DNAH8: variants seen among roughly 807,000 people sequenced by gnomAD.
DNAH8 encodes axonemal beta dynein heavy chain 8.
DNAH8 carries 382 observed loss-of-function variants against 562.1 expected under a neutral mutation model. That is an observed-to-expected ratio of 0.68 (90% CI 0.63 to 0.74). DNAH8 has a LOEUF of 0.74. DNAH8 is among the 30% of genes least tolerant of loss of function. The pLI is 0.00. For missense variants in DNAH8, 5,203 were observed against 5,620.4 expected, an observed-to-expected ratio of 0.93 and a Z score of 2.37; for synonymous variants, 1,881 against 1,919.4, an observed-to-expected ratio of 0.98 and a Z score of 0.52.
chr6:39,007,956 C>T (rs1765903976), intron 88 of DNAH8, among the ~76,000 whole-genome samples: 1 of 124,542 alleles, frequency 8.0e-6, no homozygotes, highest in African/African-American at 3.0e-5. Context: ...CCCACACACA[C>T]ACACACATTT....
Position 38,959,365 on chromosome 6 carries a change from A to G in DNAH8, c.12451+7845A>G, listed in dbSNP as rs1762466234. The stretch of plus-strand genomic sequence containing the variant: ...CCCTATTTGTAGATGACATGTATAC[A>G]GAAAACCCTACAGATGCCACCAAAG... On this transcript the variant is annotated intron_variant, in intron 82 of 92. Coordinates refer to ENST00000327475, the MANE Select transcript of DNAH8 (RefSeq NM_001206927.2). 3.3e-5 allele frequency among the ~76,000 whole-genome samples: 5 copies of G among 152,280 alleles called. 2 individuals carry two copies. In the South Asian group the frequency reaches 1.0e-3, roughly 32 times the overall value.
At position 38,780,018 on chromosome 6, in the gene DNAH8, G is replaced by C; in HGVS notation, c.2092G>C (p.Glu698Gln). 1 of 1,614,024 alleles carries C rather than the reference G, an allele frequency of 6.2e-7. No homozygotes were observed. Among genetic ancestry groups the C allele is most frequent in the Non-Finnish European group, 8.5e-7 (1 of 1,179,986 alleles). ...CLGLEINHTI[E>Q]RILQYYVAEL... ...GGGATTAGAAATAAACCACACAATA[G>C]AGCGTATTCTTCAGTACTATGTGGC... is the stretch of plus-strand genomic sequence containing the variant. The change falls in exon 15 of 93, where the codon GAG becomes CAG. Residue 698 changes from glutamate to glutamine, a missense_variant. Physicochemically the swap from Glu to Gln is conservative, Grantham distance 29. Coordinates refer to ENST00000327475, the MANE Select transcript of DNAH8 (RefSeq NM_001206927.2).
chr6:38,755,822 T>C lies in DNAH8; in HGVS notation c.1408-150T>C, dbSNP rs1195562723. ...CTGTTATCTGTTCCAGGGTCTAGTC[T>C]AGAATACTGCATTGGATTTAGTAAA... On this transcript the variant is annotated intron_variant, in intron 9 of 92. Coordinates refer to ENST00000327475, the MANE Select transcript of DNAH8 (RefSeq NM_001206927.2). 64 of 581,370 alleles carry C rather than the reference T, an allele frequency of 1.1e-4. 1 individual carries two copies. The Admixed American group carries it at 1.9e-3, about 18-fold the overall frequency. The allele number at this position is 581,370 out of a possible 1,614,324, so 36.0% of individuals were successfully genotyped here.
Position 38,816,062 on chromosome 6 carries a change from GTTTTATTTTA to G in DNAH8, c.3523+426_3523+435del, listed in dbSNP as rs10585359. Among the ~76,000 whole-genome samples, 22 of 149,834 alleles carry G rather than the reference GTTTTATTTTA, an allele frequency of 1.5e-4. No individual in the cohort carries two copies. The East Asian group carries it at 2.0e-3, about 13-fold the overall frequency. ...TTTCTTTTTTATTTTATTTTATTTT[GTTTTATTTTA>G]TTTTATTTTATTTTATTTTAGTTCT... is the stretch of plus-strand genomic sequence containing the variant. On this transcript the variant is annotated intron_variant, in intron 26 of 92. Transcript: ENST00000327475.
chr6:38,794,328 T>A (rs1394379959), intron 21 of DNAH8, among the ~76,000 whole-genome samples: 3 of 151,160 alleles, frequency 2.0e-5, no homozygotes, highest in African/African-American at 4.9e-5. Context: ...TTTTTTTTGG[T>A]TATGAAAAAA....
chr6:38,769,002 T>C (rs1022593109), intron 11 of DNAH8, among the ~76,000 whole-genome samples: 1 of 152,202 alleles, frequency 6.6e-6, no homozygotes, highest in African/African-American at 2.4e-5. Context: ...CATTATTCTT[T>C]TAAGGTCCTA....
chr6:38,749,644 T>C (rs1456038804), intron 8 of DNAH8, among the ~76,000 whole-genome samples: 1 of 152,110 alleles, frequency 6.6e-6, no homozygotes, highest in Non-Finnish European at 1.5e-5. Context: ...TTCAAACATT[T>C]GAAGGGTTGC....
intron 58 of DNAH8, among the ~76,000 whole-genome samples, chr6:38,893,186 C>T (rs1779452763): frequency 6.6e-6 from 1 of 152,192 alleles, no homozygotes; most frequent in Non-Finnish European, 1.5e-5. Flanking sequence ...AATGAATCTT[C>T]CTCCTCTGCC....
intron 1 of DNAH8, among the ~76,000 whole-genome samples, chr6:38,719,087 T>C (rs1289685237): frequency 2.6e-5 from 4 of 152,186 alleles, no homozygotes; most frequent in African/African-American, 9.7e-5. Flanking sequence ...TTAACATTCT[T>C]GATTGATTCA....
chr6:39,007,947 C>CCACACA (rs67673406), intron 88 of DNAH8, among the ~76,000 whole-genome samples: 17 of 120,094 alleles, frequency 1.4e-4, no homozygotes, highest in Non-Finnish European at 2.2e-4. Flanking sequence ...CCCCACCCAC[C>CCACACA]CACACACACA....
chr6:38,944,710 G>A (rs974804954), intron 79 of DNAH8, among the ~76,000 whole-genome samples: 4 of 152,190 alleles, frequency 2.6e-5, no homozygotes, highest in African/African-American at 9.7e-5. Context: ...CTGGACTCAA[G>A]CTCTGTAAAA....
chr6:38,889,927 C>CACACT (rs1779226232), intron 57 of DNAH8, among the ~76,000 whole-genome samples: 1 of 152,196 alleles, frequency 6.6e-6, no homozygotes, highest in Non-Finnish European at 1.5e-5. Context: ...CAGAACTGAA[C>CACACT]ACACTCTGCA....
intron 79 of DNAH8, among the ~76,000 whole-genome samples, chr6:38,943,263 AAACAT>A (rs1230676401): frequency 6.6e-6 from 1 of 152,246 alleles, no homozygotes; most frequent in Non-Finnish European, 1.5e-5. Flanking sequence ...TTTTTAAACA[AAACAT>A]AACATTTGTT....
chr6:38,985,718 CA>C (rs1356217112), intron 87 of DNAH8, among the ~76,000 whole-genome samples: 2 of 152,172 alleles, frequency 1.3e-5, no homozygotes, highest in African/African-American at 4.8e-5. Flanking sequence ...TTCATGGCAA[CA>C]TTGTGTGTGG....
intron 74 of DNAH8, among the ~76,000 whole-genome samples, chr6:38,928,865 A>G (rs191147605): frequency 2.0e-5 from 3 of 152,314 alleles, no homozygotes; most frequent in East Asian, 3.9e-4. Flanking sequence ...GAACCACTAC[A>G]GTGTGTCTAT....
intron 33 of DNAH8, among the ~76,000 whole-genome samples, chr6:38,839,544 A>G (rs1365056224): frequency 1.3e-5 from 2 of 151,848 alleles, no homozygotes; most frequent in Admixed American, 6.6e-5. Flanking sequence ...TTTTATACAT[A>G]CAGGAGTCTC....
rs552051219 is a variant in DNAH8 at position 38,774,094 on chromosome 6, C to T, written c.1765-1660C>T. Among the ~76,000 whole-genome samples, 46 of 152,262 alleles carry T rather than the reference C, an allele frequency of 3.0e-4. No individual in the cohort carries two copies. The South Asian group carries it at 7.5e-3, about 25-fold the overall frequency. ...TGATGGTGCACTGAATCCTAAATAG[C>T]AAGAACGAAATGTGTGCAACAGTCT... On this transcript the variant is annotated intron_variant, in intron 12 of 92. Transcript: ENST00000327475.
chr6:38,756,968 C>T (rs1221034618), intron 10 of DNAH8, among the ~76,000 whole-genome samples: 1 of 152,008 alleles, frequency 6.6e-6, no homozygotes, highest in Non-Finnish European at 1.5e-5. Flanking sequence ...GTGAATAGTG[C>T]CGCAATAAAC....
rs528250155 is a variant in DNAH8, at chr6:38,845,574, G to T, written c.4846G>T (p.Asp1616Tyr). Residue 1616 changes from aspartate (D) to tyrosine (Y), a missense_variant and splice_region_variant, in exon 36 of 93, where the codon GAT becomes TAT. Physicochemically the swap from Asp to Tyr is radical, Grantham distance 160. Transcript: ENST00000327475. ...CATATACTTTGCTTTTCCTTCAAAG[G>T]ATATTTGCATATCTGCCATTAAGGA... ...PLLKHKDDIE[D>Y]ICISAIKEKD... is the part of the protein sequence containing the mutation. 60 of 1,611,816 alleles carry T rather than the reference G, an allele frequency of 3.7e-5. No homozygotes were observed. Among genetic ancestry groups the T allele is most frequent in the Non-Finnish European group, 5.0e-5 (59 of 1,178,140 alleles).
Sources: gnomAD v4.1 joint callset for allele counts (sites outside exome capture counted in the v4.1 genomes callset) on GRCh38, gnomAD v4.1.1 for gene constraint, MANE v1.5 for transcripts, NCBI Gene and HGNC (gene_info 2026-07-23, HGNC 2026-07-21) for gene names.